Variants in MCTP2 observed in about 807,000 individuals in gnomAD.
MCTP2 encodes multiple C2 and transmembrane domain-containing protein 2.
Under a neutral mutation model 111.6 loss-of-function variants are expected in MCTP2, and 132 were observed. The observed-to-expected ratio is 1.18, with a 90% CI of 1.03 to 1.37. The LOEUF is 1.37. Among genes scored for constraint, MCTP2 ranks in the 40% most tolerant of loss-of-function variants. The pLI, the probability that MCTP2 is intolerant of heterozygous loss-of-function variation, is 0.00. For synonymous variants in MCTP2, 395 were observed against 387.7 expected (o/e 1.02, Z -0.22); for missense variants, 1,183 against 1,067.9 (o/e 1.11, Z -1.50).
chr15:94,416,497 C>T (rs986179496), intron 17 of MCTP2, among the ~76,000 whole-genome samples: 2 of 152,048 alleles, frequency 1.3e-5, no homozygotes, highest in African/African-American at 2.4e-5. Flanking sequence ...GACTGTCCCT[C>T]GCACTTTCTC....
chr15:94,462,625 A>T (rs77127024), intron 20 of MCTP2, among the ~76,000 whole-genome samples: 1 of 152,208 alleles, frequency 6.6e-6, no homozygotes, highest in Non-Finnish European at 1.5e-5. Context: ...GCTAGATTAC[A>T]TGAGTAACAT....
intron 20 of MCTP2, among the ~76,000 whole-genome samples, chr15:94,459,065 G>C (rs28735755): frequency 0.012 from 1,786 of 152,240 alleles, 33 homozygotes; most frequent in African/African-American, 0.041. Context: ...TATCAACTCT[G>C]CATTACTTAG....
chr15:94,345,124 T>C lies in MCTP2; in HGVS notation c.970-5T>C, dbSNP rs1349596974. On this transcript the variant is annotated splice_polypyrimidine_tract_variant and splice_region_variant and intron_variant, in intron 7 of 22. Transcript: ENST00000357742. ...TTTCACCATTCCGCGGACACAAATC[T>C]TTAGCGTTGGTCAAATCGGAAGCGA... 1 of 1,612,612 alleles carries C rather than the reference T, an allele frequency of 6.2e-7. No individual in the cohort carries two copies. Among genetic ancestry groups the C allele is most frequent in the African/African-American group, 1.3e-5 (1 of 74,888 alleles).
At chr15:94,421,871 T>C (rs1317193164) in intron 17 of MCTP2, among the ~76,000 whole-genome samples, 1 of 152,182 alleles carries the variant, frequency 6.6e-6, no homozygotes, top group Non-Finnish European at 1.5e-5. Context: ...CTATTTGGGA[T>C]TCCATTATTC....
chr15:94,284,909 A>G (rs2074679189), intron 1 of MCTP2, among the ~76,000 whole-genome samples: 1 of 152,228 alleles, frequency 6.6e-6, no homozygotes, highest in Non-Finnish European at 1.5e-5. Context: ...GTAAGATCTC[A>G]GTTAAGGCAG....
At chr15:94,233,432 T>A (rs1204177307) in intron 1 of MCTP2, among the ~76,000 whole-genome samples, 1 of 152,152 alleles carries the variant, frequency 6.6e-6, no homozygotes, top group Non-Finnish European at 1.5e-5. Flanking sequence ...GAACAGCTAA[T>A]TTCCTATTAT....
At chr15:94,445,536 A>G (rs1298864307) in intron 19 of MCTP2, among the ~76,000 whole-genome samples, 1 of 152,068 alleles carries the variant, frequency 6.6e-6, no homozygotes, top group Non-Finnish European at 1.5e-5. Flanking sequence ...GGGATCTTCA[A>G]CTTTCAGACT....
intron 1 of MCTP2, among the ~76,000 whole-genome samples, chr15:94,243,699 G>GTA (rs1183957529): frequency 1.1e-4 from 15 of 133,942 alleles, no homozygotes; most frequent in African/African-American, 3.6e-4. Flanking sequence ...ATACATATGC[G>GTA]TATATACACA....
chr15:94,452,797 A>G (rs1183754850), intron 19 of MCTP2, among the ~76,000 whole-genome samples: 1 of 152,222 alleles, frequency 6.6e-6, no homozygotes, highest in Non-Finnish European at 1.5e-5. Context: ...TGATAAACAC[A>G]TATTATCCAA....
chr15:94,267,869 C>CTTTCTTTTTTTTTTTTTTTTTTT (rs1555443740), intron 1 of MCTP2, among the ~76,000 whole-genome samples: 3 of 77,454 alleles, frequency 3.9e-5, no homozygotes, highest in African/African-American at 1.7e-4. Context: ...CCTTTTCTTT[C>CTTTCTTTTTTTTTTTTTTTTTTT]TTTTTTTTTT....
intron 17 of MCTP2, among the ~76,000 whole-genome samples, chr15:94,407,155 C>T (rs990481691): frequency 6.6e-6 from 1 of 151,584 alleles, no homozygotes; most frequent in Non-Finnish European, 1.5e-5. Context: ...TTTTATAAAC[C>T]CCAATGTTGT....
At position 94,314,339 on chromosome 15, in the gene MCTP2, C is replaced by T. The variant is rs1378400231; in HGVS notation, c.523C>T (p.Gln175Ter). The T allele has an allele frequency of 6.3e-7, 1 of 1,599,266 alleles. No individual in the cohort carries two copies. Among genetic ancestry groups the T allele is most frequent in the Middle Eastern group, 2.2e-4 (1 of 4,612 alleles). ...ASMTSQHFEEQSVPGEASDGL... is the reference protein window; with the variant it reads ...ASMTSQHFEE ...TATGACATCTCAACATTTTGAAGAA[C>T]AATCTGTGAGTGGCATTCCTTAAAA... Residue 175 changes from glutamine to a stop codon, truncating the protein, a stop_gained, in exon 3 of 23, where the codon CAA becomes TAA. Coordinates refer to ENST00000357742, the MANE Select transcript of MCTP2 (RefSeq NM_001385001.1). LOFTEE classifies it high-confidence loss of function.
At chr15:94,390,732 T>TC (rs1596557119) in intron 14 of MCTP2, among the ~76,000 whole-genome samples, 2 of 144,584 alleles carry the variant, frequency 1.4e-5, no homozygotes, top group South Asian at 2.2e-4. Flanking sequence ...TTTCTTTTTT[T>TC]TTTTTTTTTT....
At chr15:94,402,213 C>T (rs1351636006) in intron 17 of MCTP2, 194 bp downstream of exon 17, 3 of 897,342 alleles carry the variant, frequency 3.3e-6, no homozygotes, top group Non-Finnish European at 2.7e-6. Context: ...TTTAAGAGCA[C>T]TACTGTTGTA....
At chr15:94,375,223 G>A (rs1055756555) in intron 12 of MCTP2, among the ~76,000 whole-genome samples, 4 of 152,146 alleles carry the variant, frequency 2.6e-5, no homozygotes, top group African/African-American at 9.7e-5. Context: ...AACTCTATCA[G>A]GAGATAGCAC....
rs144833871 is a variant in MCTP2 at position 94,246,604 on chromosome 15, G to A, written c.-66+14940G>A. Among the ~76,000 whole-genome samples the A allele has an allele frequency of 2.9e-3, 437 of 152,262 alleles. 2 individuals carry two copies. Among genetic ancestry groups the A allele is most frequent in the African/African-American group, 9.1e-3 (380 of 41,538 alleles). On this transcript the variant is annotated intron_variant, in intron 1 of 22. Transcript: ENST00000357742. ...TTGCTTCATATTTAAAAACTCATTT[G>A]CAGTATTTTAGCTCAGTGGGAAGAT... is the stretch of plus-strand genomic sequence containing the variant.
chr15:94,331,175 A>G (rs2077116980), intron 4 of MCTP2, among the ~76,000 whole-genome samples: 1 of 152,244 alleles, frequency 6.6e-6, no homozygotes, highest in South Asian at 2.1e-4. Flanking sequence ...TTATAAAGTT[A>G]TAGCTATTGA....
intron 12 of MCTP2, among the ~76,000 whole-genome samples, chr15:94,374,915 C>T (rs547499720): frequency 1.3e-4 from 20 of 152,184 alleles, no homozygotes; most frequent in African/African-American, 4.8e-4. Context: ...ACAGAAAATG[C>T]AGTATAGGCT....
At chr15:94,469,435 T>G (rs2073720987) in intron 20 of MCTP2, among the ~76,000 whole-genome samples, 1 of 152,242 alleles carries the variant, frequency 6.6e-6, no homozygotes. Context: ...ACCTACATTA[T>G]CTATTAATGG....
Sources: allele counts gnomAD v4.1 joint callset (sites outside exome capture counted in the v4.1 genomes callset), GRCh38; gene constraint gnomAD v4.1.1; transcripts MANE v1.5; gene names NCBI Gene and HGNC (gene_info 2026-07-23, HGNC 2026-07-21).